The following MCTP2 variants were observed in gnomAD, a reference collection of about 807,000 sequenced individuals.
The protein encoded by MCTP2 is multiple C2 and transmembrane domain containing 2.
A neutral mutation model predicts 111.6 loss-of-function variants in MCTP2; 132 were observed. That is an observed-to-expected ratio of 1.18 (90% CI 1.03 to 1.37). The LOEUF (loss-of-function observed/expected upper bound fraction) is 1.37. MCTP2 is among the 40% of genes most tolerant of loss of function. The pLI, the probability that MCTP2 is intolerant of heterozygous loss-of-function variation, is 0.00. For missense variants in MCTP2, 1,183 were observed against 1,067.9 expected (o/e 1.11, Z -1.50); for synonymous variants, 395 against 387.7 (o/e 1.02, Z -0.22).
intron 10 of MCTP2, among the ~76,000 whole-genome samples, chr15:94,361,583 T>A (rs1216320311): frequency 6.6e-6 from 1 of 152,212 alleles, no homozygotes; most frequent in Non-Finnish European, 1.5e-5. Context: ...TAGGTATTAC[T>A]TATTATTAAT....
At chr15:94,457,489 G>A (rs180717653) in intron 19 of MCTP2, among the ~76,000 whole-genome samples, 41 of 152,134 alleles carry the variant, frequency 2.7e-4, no homozygotes, top group Non-Finnish European at 4.7e-4. Flanking sequence ...TGAGGAGATC[G>A]CAATCAATTG....
intron 1 of MCTP2, among the ~76,000 whole-genome samples, chr15:94,245,506 G>GTATA (rs1205307998): frequency 1.5e-5 from 2 of 136,898 alleles, no homozygotes; most frequent in African/African-American, 5.4e-5. Context: ...ATTTATATAT[G>GTATA]TATACATATA....
chr15:94,474,843 A>G (rs1488289832), intron 21 of MCTP2, among the ~76,000 whole-genome samples: 2 of 139,828 alleles, frequency 1.4e-5, no homozygotes, highest in Admixed American at 1.5e-4. Context: ...TGAGTGCCCT[A>G]TAATTTTTAT....
At chr15:94,260,345 A>G (rs1004796749) in intron 1 of MCTP2, among the ~76,000 whole-genome samples, 5 of 152,130 alleles carry the variant, frequency 3.3e-5, no homozygotes, top group African/African-American at 9.7e-5. Flanking sequence ...TTTCTTGTTC[A>G]GCTTTGGCAT....
intron 12 of MCTP2, among the ~76,000 whole-genome samples, chr15:94,370,906 A>G (rs545226057): frequency 3.2e-4 from 49 of 152,304 alleles, no homozygotes; most frequent in African/African-American, 1.1e-3. Flanking sequence ...GCATGGTTCT[A>G]TCTATTGATT....
chr15:94,421,854 T>A (rs1481489141), intron 17 of MCTP2, among the ~76,000 whole-genome samples: 1 of 152,212 alleles, frequency 6.6e-6, no homozygotes, highest in Admixed American at 6.6e-5. Context: ...AAATAGGATG[T>A]GGGTGCCTAT....
chr15:94,401,252 A>C (rs1307552867), intron 16 of MCTP2, among the ~76,000 whole-genome samples: 1 of 152,130 alleles, frequency 6.6e-6, no homozygotes, highest in African/African-American at 2.4e-5. Context: ...TTTCCTTAGG[A>C]TATAAATGCT....
intron 8 of MCTP2, among the ~76,000 whole-genome samples, chr15:94,347,227 AAGT>A (rs2078032956): frequency 6.6e-6 from 1 of 152,158 alleles, no homozygotes; most frequent in Non-Finnish European, 1.5e-5. Context: ...CAACCTGTAA[AAGT>A]AGTTAAAATA....
At chr15:94,387,183 A>G (rs1052602971) in intron 14 of MCTP2, among the ~76,000 whole-genome samples, 5 of 149,644 alleles carry the variant, frequency 3.3e-5, no homozygotes, top group Admixed American at 6.7e-5. Context: ...TTCCTTCCCT[A>G]GAAGATCTAA....
intron 1 of MCTP2, among the ~76,000 whole-genome samples, chr15:94,243,622 T>C (rs1020322921): frequency 2.7e-5 from 4 of 149,168 alleles, no homozygotes; most frequent in Admixed American, 2.7e-4. Flanking sequence ...TATGTGTATA[T>C]ACGCATATGC....
At chr15:94,390,086 A>ACG (rs1567602728) in intron 14 of MCTP2, among the ~76,000 whole-genome samples, 749 of 8,326 alleles carry the variant, frequency 0.09, 32 homozygotes, top group East Asian at 0.21. Flanking sequence ...ATATATATAT[A>ACG]TATGTATATA....
chr15:94,306,671 G>T (rs2075894145), intron 2 of MCTP2, among the ~76,000 whole-genome samples: 2 of 152,218 alleles, frequency 1.3e-5, no homozygotes, highest in African/African-American at 4.8e-5. Flanking sequence ...TGAAAGAAAG[G>T]ATCATTCCCC....
intron 1 of MCTP2, among the ~76,000 whole-genome samples, chr15:94,269,901 C>T (rs186641535): frequency 1.5e-4 from 23 of 152,122 alleles, no homozygotes; most frequent in African/African-American, 5.3e-4. Flanking sequence ...GGGAAGATAC[C>T]TCTAAAAAAA....
chr15:94,379,229 A>G (rs913813203), intron 12 of MCTP2, among the ~76,000 whole-genome samples: 1 of 152,104 alleles, frequency 6.6e-6, no homozygotes, highest in Non-Finnish European at 1.5e-5. Flanking sequence ...AGTGGAGGAA[A>G]GAGACACCAA....
chr15:94,279,760 C>CT (rs1221965719), intron 1 of MCTP2, among the ~76,000 whole-genome samples: 1 of 151,564 alleles, frequency 6.6e-6, no homozygotes, highest in African/African-American at 2.4e-5. Context: ...TTGCTGCTCT[C>CT]TTTTTATTTA....
chr15:94,243,478 TAC>T lies in MCTP2; in HGVS notation c.-66+11820_-66+11821del, dbSNP rs775880073. Among the ~76,000 whole-genome samples the T allele has an allele frequency of 6.1e-5, 9 of 148,604 alleles. 1 individual carries two copies. The highest frequency in any genetic ancestry group is 2.1e-4 in the South Asian group (1 of 4,754). ...ACATGCGTATGCGTATATGCGTATGTACACACATACGTATGCGTACATATGTA... is the reference window on the plus strand; with the variant it reads ...ACATGCGTATGCGTATATGCGTATGTACACATACGTATGCGTACATATGTA... On this transcript the variant is annotated intron_variant, in intron 1 of 22. Coordinates refer to ENST00000357742, the MANE Select transcript of MCTP2 (RefSeq NM_001385001.1).
Position 94,478,949 on chromosome 15 carries a change from G to A in MCTP2, c.2569-17G>A. On this transcript the variant is annotated splice_polypyrimidine_tract_variant and intron_variant, in intron 22 of 22. Coordinates refer to ENST00000357742, the MANE Select transcript of MCTP2 (RefSeq NM_001385001.1). ...GGGTTACCTAACCGCCAGCATCACG[G>A]CTATTTGTTTTCACAGGTGCAGTAT... is the stretch of plus-strand genomic sequence containing the variant. 3 of 1,613,386 alleles carry A rather than the reference G, an allele frequency of 1.9e-6. No homozygotes were observed. Among genetic ancestry groups the A allele is most frequent in the East Asian group, 2.2e-5 (1 of 44,820 alleles).
At chr15:94,278,801 A>G (rs1171337037) in intron 1 of MCTP2, among the ~76,000 whole-genome samples, 2 of 151,978 alleles carry the variant, frequency 1.3e-5, no homozygotes, top group Non-Finnish European at 2.9e-5. Flanking sequence ...TTTAGCTCCT[A>G]TTTATAAGGG....
At position 94,441,645 on chromosome 15, in the gene MCTP2, T is replaced by G. The variant is rs565840316; in HGVS notation, c.2209-1274T>G. On this transcript the variant is annotated intron_variant, in intron 18 of 22. Coordinates refer to ENST00000357742, the MANE Select transcript of MCTP2 (RefSeq NM_001385001.1). ...ATTGAAAATAATTACCTAATTTAGT[T>G]CGATAACACAACTATGAGGGAGGCA... 2.0e-5 allele frequency among the ~76,000 whole-genome samples: 3 copies of G among 152,356 alleles called. No homozygotes were observed. The East Asian group carries it at 5.8e-4, about 29-fold the overall frequency.
Sources: allele counts gnomAD v4.1 joint callset (sites outside exome capture counted in the v4.1 genomes callset), GRCh38; gene constraint gnomAD v4.1.1; transcripts MANE v1.5; gene names NCBI Gene and HGNC (gene_info 2026-07-23, HGNC 2026-07-21).